NINJ2: variants seen among roughly 807,000 people sequenced by gnomAD.
NINJ2 encodes ninjurin-2.
In NINJ2, 12 loss-of-function variants were observed where a neutral mutation model predicts 11.7. The observed-to-expected ratio is 1.02, with a 90% CI of 0.66 to 1.66. The LOEUF (loss-of-function observed/expected upper bound fraction) is 1.66, where lower values mean the gene tolerates loss of function less well. Ranked by LOEUF, NINJ2 falls within the 40% of genes most tolerant of loss-of-function variation. The pLI, the probability that NINJ2 is intolerant of heterozygous loss-of-function variation, is 0.00. For synonymous variants in NINJ2, 93 were observed against 76.8 expected, an observed-to-expected ratio of 1.21 and a Z score of -1.10; for missense variants, 187 against 181.8, an observed-to-expected ratio of 1.03 and a Z score of -0.16.
intron 1 of NINJ2, among the ~76,000 whole-genome samples, chr12:607,595 C>T (rs951420747): frequency 7.2e-5 from 11 of 152,180 alleles, no homozygotes; most frequent in African/African-American, 2.2e-4. Context: ...AAACCCTTCT[C>T]AGGTGTGGCC....
intron 1 of NINJ2, among the ~76,000 whole-genome samples, chr12:648,812 C>T (rs1937736713): frequency 6.6e-6 from 1 of 152,176 alleles, no homozygotes. Flanking sequence ...ACCTTAGAGT[C>T]TAAACAAATC....
chr12:571,112 C>A (rs1947369662), intron 1 of NINJ2, among the ~76,000 whole-genome samples: 1 of 152,238 alleles, frequency 6.6e-6, no homozygotes, highest in Admixed American at 6.5e-5. Flanking sequence ...GGACACTGAC[C>A]CAAGACTCAT....
intron 1 of NINJ2, among the ~76,000 whole-genome samples, chr12:596,426 C>T (rs927384150): frequency 6.6e-6 from 1 of 152,112 alleles, no homozygotes; most frequent in Non-Finnish European, 1.5e-5. Flanking sequence ...GACCCCTCTG[C>T]TGGGGGATGT....
chr12:573,065 G>A (rs1275260078), intron 1 of NINJ2, among the ~76,000 whole-genome samples: 5 of 130,460 alleles, frequency 3.8e-5, no homozygotes, highest in Non-Finnish European at 6.2e-5. Context: ...TCGCTCTGTC[G>A]CCTAGGCTGG....
intron 2 of NINJ2, chr12:565,646 C>T (rs964593181): frequency 4.1e-5 from 25 of 611,454 alleles, no homozygotes; most frequent in South Asian, 2.3e-4. Context: ...AGCGTGGGGA[C>T]GAGTGCTCAT....
chr12:610,278 G>A (rs1948010762), intron 1 of NINJ2: 1 of 1,351,114 alleles, frequency 7.4e-7, no homozygotes, highest in Non-Finnish European at 1.0e-6. Context: ...CTCTTCACCT[G>A]CCCAGTCCCC....
intron 1 of NINJ2, among the ~76,000 whole-genome samples, chr12:660,318 A>G (rs926093138): frequency 1.4e-4 from 20 of 146,178 alleles, no homozygotes; most frequent in African/African-American, 5.0e-4. Flanking sequence ...AAAAGGAATC[A>G]CAGGTCTGAT....
intron 1 of NINJ2, among the ~76,000 whole-genome samples, chr12:659,570 C>T (rs917261856): frequency 3.3e-5 from 5 of 152,170 alleles, no homozygotes; most frequent in Admixed American, 3.3e-4. Flanking sequence ...GAGGCCACAG[C>T]CACAGGCCAT....
chr12:600,907 T>C (rs1947858307), intron 1 of NINJ2, among the ~76,000 whole-genome samples: 1 of 152,126 alleles, frequency 6.6e-6, no homozygotes, highest in Non-Finnish European at 1.5e-5. Context: ...TTTATGTAAT[T>C]TAAAAAAATC....
intron 1 of NINJ2, chr12:642,874 C>A (rs1041626066): frequency 6.6e-6 from 1 of 150,966 alleles, no homozygotes; most frequent in Non-Finnish European, 1.5e-5. Flanking sequence ...GCCCGGCTCG[C>A]CCGCCCGCGT....
intron 1 of NINJ2, among the ~76,000 whole-genome samples, chr12:629,301 C>T (rs925248237): frequency 6.6e-6 from 1 of 152,156 alleles, no homozygotes; most frequent in African/African-American, 2.4e-5. Flanking sequence ...CCAAGTTCAC[C>T]GAAGGAGTAA....
At chr12:573,004 G>C (rs1456638726) in intron 1 of NINJ2, among the ~76,000 whole-genome samples, 2 of 144,556 alleles carry the variant, frequency 1.4e-5, no homozygotes, top group Non-Finnish European at 1.5e-5. Context: ...TTACAGGTGT[G>C]TGCCACCACA....
chr12:610,548 C>G (rs1948014759), intron 1 of NINJ2: 1 of 1,466,176 alleles, frequency 6.8e-7, no homozygotes, highest in East Asian at 2.5e-5. Flanking sequence ...AGCAGATGCC[C>G]ACCACAGCTT....
chr12:629,301 C>A (rs925248237), intron 1 of NINJ2, among the ~76,000 whole-genome samples: 1 of 152,156 alleles, frequency 6.6e-6, no homozygotes, highest in African/African-American at 2.4e-5. Context: ...CCAAGTTCAC[C>A]GAAGGAGTAA....
At chr12:651,783 G>A (rs545850899) in intron 1 of NINJ2, among the ~76,000 whole-genome samples, 1 of 152,338 alleles carries the variant, frequency 6.6e-6, no homozygotes, top group African/African-American at 2.4e-5. Flanking sequence ...AACGCCAGAG[G>A]TCAAAACACT....
intron 1 of NINJ2, chr12:610,729 C>T (rs371166738): frequency 3.3e-3 from 686 of 208,012 alleles, no homozygotes; most frequent in Non-Finnish European, 4.3e-3. Context: ...GAAATCTATT[C>T]TTTTTTTTTT....
intron 1 of NINJ2, among the ~76,000 whole-genome samples, chr12:569,559 C>A (rs1347730311): frequency 2.0e-5 from 3 of 152,176 alleles, no homozygotes; most frequent in African/African-American, 7.2e-5. Flanking sequence ...AGACCCCCTT[C>A]CCCCCAAATG....
intron 1 of NINJ2, among the ~76,000 whole-genome samples, chr12:582,688 C>CGCAG (rs1198614753): frequency 4.7e-5 from 2 of 42,440 alleles, no homozygotes; most frequent in African/African-American, 1.2e-4. Flanking sequence ...AATGAATGGA[C>CGCAG]GCAGGCAGGC....
chr12:600,679 TGTGTG>T, intron 1 of NINJ2, among the ~76,000 whole-genome samples: 1 of 150,818 alleles, frequency 6.6e-6, no homozygotes, highest in African/African-American at 2.4e-5. Flanking sequence ...TGTGTGTGTG[TGTGTG>T]TGTGTGTGTG....
Sources: gnomAD v4.1 joint callset for allele counts (sites outside exome capture counted in the v4.1 genomes callset) on GRCh38, gnomAD v4.1.1 for gene constraint, MANE v1.5 for transcripts, NCBI Gene and HGNC (gene_info 2026-07-23, HGNC 2026-07-21) for gene names.